FHIT: variants seen among roughly 807,000 people sequenced by gnomAD.
FHIT encodes the protein fragile histidine triad diadenosine triphosphatase.
A neutral mutation model predicts 17.9 loss-of-function variants in FHIT; 19 were observed. The observed-to-expected ratio is 1.06, with a 90% CI of 0.74 to 1.56. FHIT has a LOEUF of 1.56. Among genes scored for constraint, FHIT ranks in the 40% most tolerant of loss-of-function variants. The probability of loss-of-function intolerance (pLI) is 0.00; values close to 1 mark genes in which losing one functional copy is unlikely to be tolerated. For synonymous variants in FHIT, 81 were observed against 69.7 expected, an observed-to-expected ratio of 1.16 and a Z score of -0.81; for missense variants, 248 against 189.2, an observed-to-expected ratio of 1.31 and a Z score of -1.82.
At chr3:60,052,999 T>C (rs1003533403) in intron 5 of FHIT, among the ~76,000 whole-genome samples, 9 of 152,036 alleles carry the variant, frequency 5.9e-5, no homozygotes, top group Non-Finnish European at 1.2e-4. Context: ...ATATTTTCTC[T>C]GGCTTTCATC....
intron 5 of FHIT, among the ~76,000 whole-genome samples, chr3:60,341,331 G>C (rs1576503172): frequency 6.6e-6 from 1 of 151,938 alleles, no homozygotes; most frequent in South Asian, 2.1e-4. Flanking sequence ...AACCAGTACA[G>C]TTTAAAAATT....
intron 4 of FHIT, among the ~76,000 whole-genome samples, chr3:60,687,573 T>A (rs1399786099): frequency 6.6e-6 from 1 of 152,116 alleles, no homozygotes; most frequent in Non-Finnish European, 1.5e-5. Flanking sequence ...TATGGTTTCT[T>A]TGAGATATAA....
At chr3:60,385,561 C>A (rs547763284) in intron 5 of FHIT, among the ~76,000 whole-genome samples, 5 of 152,188 alleles carry the variant, frequency 3.3e-5, no homozygotes, top group Admixed American at 2.6e-4. Context: ...TACTATAATT[C>A]TGAGTTAAAT....
chr3:59,787,255 T>C (rs577359940), intron 8 of FHIT, among the ~76,000 whole-genome samples: 3 of 152,224 alleles, frequency 2.0e-5, no homozygotes, highest in Non-Finnish European at 2.9e-5. Flanking sequence ...TGTATGACTC[T>C]AAATCTTGAA....
At chr3:60,858,793 T>G (rs1703491366) in intron 3 of FHIT, among the ~76,000 whole-genome samples, 1 of 152,208 alleles carries the variant, frequency 6.6e-6, no homozygotes, top group South Asian at 2.1e-4. Context: ...ATTTACAGTT[T>G]GCTGTCAAGA....
At chr3:60,450,065 C>T (rs1247685061) in intron 5 of FHIT, among the ~76,000 whole-genome samples, 1 of 148,968 alleles carries the variant, frequency 6.7e-6, no homozygotes, top group Non-Finnish European at 1.5e-5. Flanking sequence ...CTATATAGAG[C>T]ACTTAACATG....
At chr3:60,955,609 T>TATATATATATATATATATATAC (rs1709091727) in intron 3 of FHIT, among the ~76,000 whole-genome samples, 2 of 9,166 alleles carry the variant, frequency 2.2e-4, no homozygotes, top group African/African-American at 3.4e-4. Flanking sequence ...TATATATATA[T>TATATATATATATATATATATAC]ATATATATAT....
At chr3:59,750,193 A>T (rs1425609324) in intron 9 of FHIT, 1 of 225,748 alleles carries the variant, frequency 4.4e-6, no homozygotes, top group Non-Finnish European at 8.8e-6. Context: ...AAATTTGGGT[A>T]ATAAGTTTGA....
At chr3:60,983,296 T>A (rs972185438) in intron 3 of FHIT, among the ~76,000 whole-genome samples, 2 of 151,792 alleles carry the variant, frequency 1.3e-5, no homozygotes, top group African/African-American at 4.8e-5. Flanking sequence ...AAGAAGGAAA[T>A]GAGGAAGGGA....
At chr3:60,129,049 G>GTTGTTTTTTTTTTTT (rs759645654) in intron 5 of FHIT, among the ~76,000 whole-genome samples, 4 of 121,042 alleles carry the variant, frequency 3.3e-5, no homozygotes, top group Admixed American at 8.8e-5. Context: ...TTCCTTTTTT[G>GTTGTTTTTTTTTTTT]TTTGTTTTTT....
intron 5 of FHIT, among the ~76,000 whole-genome samples, chr3:60,088,780 C>T (rs1703607153): frequency 7.5e-6 from 1 of 133,598 alleles, no homozygotes; most frequent in South Asian, 2.4e-4. Context: ...GTCCAACAAA[C>T]ATAATTAATT....
intron 5 of FHIT, among the ~76,000 whole-genome samples, chr3:60,518,728 G>C (rs184099328): frequency 2.6e-4 from 40 of 152,198 alleles, no homozygotes; most frequent in Non-Finnish European, 5.3e-4. Context: ...TTATATGCAG[G>C]CTGGGTGCGC....
chr3:61,217,196 G>A (rs966651913), intron 1 of FHIT, among the ~76,000 whole-genome samples: 5 of 152,042 alleles, frequency 3.3e-5, no homozygotes, highest in African/African-American at 9.7e-5. Context: ...TATCTCTCAC[G>A]GTTTCTACGG....
chr3:61,087,187 T>C (rs2035332613), intron 2 of FHIT, among the ~76,000 whole-genome samples: 2 of 152,108 alleles, frequency 1.3e-5, no homozygotes, highest in South Asian at 4.1e-4. Context: ...AACAATATTC[T>C]ATACATGAAA....
chr3:59,881,118 C>G (rs1703392558), intron 8 of FHIT, among the ~76,000 whole-genome samples: 2 of 152,124 alleles, frequency 1.3e-5, no homozygotes, highest in Admixed American at 1.3e-4. Context: ...ACCTTTGGTG[C>G]CACGTCTCAA....
intron 2 of FHIT, among the ~76,000 whole-genome samples, chr3:61,155,805 T>C (rs1347572234): frequency 6.6e-6 from 1 of 152,184 alleles, no homozygotes; most frequent in Non-Finnish European, 1.5e-5. Context: ...GAAATAGACC[T>C]GCTTGCAAAG....
chr3:60,655,351 GCAAGTA>G (rs1292062221), intron 4 of FHIT, among the ~76,000 whole-genome samples: 1 of 152,104 alleles, frequency 6.6e-6, no homozygotes, highest in African/African-American at 2.4e-5. Flanking sequence ...ATTATAAAAA[GCAAGTA>G]CATTGTTACA....
At chr3:60,417,015 G>T (rs1702273792) in intron 5 of FHIT, among the ~76,000 whole-genome samples, 1 of 151,752 alleles carries the variant, frequency 6.6e-6, no homozygotes, top group Non-Finnish European at 1.5e-5. Flanking sequence ...CATGAACCTG[G>T]GAGGCGGAGC....
At chr3:60,353,775 C>A (rs533145721) in intron 5 of FHIT, among the ~76,000 whole-genome samples, 1 of 152,106 alleles carries the variant, frequency 6.6e-6, no homozygotes, top group South Asian at 2.1e-4. Context: ...AAGTCAATCT[C>A]AAGCAAAAAT....
Sources: allele counts gnomAD v4.1 joint callset (sites outside exome capture counted in the v4.1 genomes callset), GRCh38; gene constraint gnomAD v4.1.1; transcripts MANE v1.5; gene names NCBI Gene and HGNC (gene_info 2026-07-23, HGNC 2026-07-21).